Variants in MCF2L observed in about 807,000 individuals in gnomAD.
MCF2L encodes MCF.2 cell line derived transforming sequence like.
In MCF2L, 97 loss-of-function variants were observed where a neutral mutation model predicts 153.4. That is an observed-to-expected ratio of 0.63 (90% CI 0.54 to 0.75). The LOEUF (loss-of-function observed/expected upper bound fraction) is 0.75, where lower values mean the gene tolerates loss of function less well. Among genes scored for constraint, MCF2L ranks in the 30% least tolerant of loss-of-function variants. The pLI is 0.00. For missense variants in MCF2L, 1,347 were observed against 1,495.2 expected (o/e 0.90, Z 1.64); for synonymous variants, 659 against 632.2 (o/e 1.04, Z -0.64).
chr13:113,065,097 G>T lies in MCF2L; in HGVS notation c.756+12G>T. Reference sequence around the variant, plus strand: ...AGGACAAGGCGAAGGTACATGGGGGGTGCTCCGGCTGGAAGCTGTGGGGGG... The same window carrying T: ...AGGACAAGGCGAAGGTACATGGGGGTTGCTCCGGCTGGAAGCTGTGGGGGG... On this transcript the variant is annotated intron_variant, in intron 7 of 29. Transcript: ENST00000535094. 1 of 1,596,698 alleles carries T rather than the reference G, an allele frequency of 6.3e-7. No homozygotes were observed. Among genetic ancestry groups the T allele is most frequent in the Non-Finnish European group, 8.5e-7 (1 of 1,171,284 alleles).
At chr13:113,079,561 C>A (rs139497396) in intron 15 of MCF2L, among the ~76,000 whole-genome samples, 18 of 152,234 alleles carry the variant, frequency 1.2e-4, no homozygotes, top group Admixed American at 5.2e-4. Context: ...GATGTGTTGA[C>A]AAGCAGGTGT....
rs1291638854 is a variant in MCF2L, at chr13:113,018,985, T to G, written c.163+4139T>G. 2.6e-5 allele frequency among the ~76,000 whole-genome samples: 4 copies of G among 152,184 alleles called. No individual in the cohort carries two copies. In the East Asian group the frequency reaches 7.7e-4, roughly 29 times the overall value. On this transcript the variant is annotated intron_variant, in intron 2 of 29. Transcript: ENST00000535094. ...TCCCATGTCCAGGCAGCCTCAGGTG[T>G]GTGGAGACAGGGCAGACTTAGGAGT...
chr13:113,038,154 C>T (rs759941045), intron 3 of MCF2L, among the ~76,000 whole-genome samples: 26 of 151,986 alleles, frequency 1.7e-4, no homozygotes, highest in Non-Finnish European at 3.1e-4. Flanking sequence ...AAGCAGAAAA[C>T]TGCAAAATGT....
intron 2 of MCF2L, among the ~76,000 whole-genome samples, chr13:112,919,406 C>T (rs994258272): frequency 1.3e-5 from 2 of 151,764 alleles, no homozygotes; most frequent in East Asian, 1.9e-4. Flanking sequence ...GGGGTTTCAC[C>T]GTTTTAGCCG....
At chr13:113,088,866 CGGCAGTGCGCACAT>C (rs2034902535) in intron 25 of MCF2L, among the ~76,000 whole-genome samples, 2 of 152,212 alleles carry the variant, frequency 1.3e-5, no homozygotes, top group Non-Finnish European at 2.9e-5. Context: ...TTCCACAGCA[CGGCAGTGCGCACAT>C]GGCCTGTCCA....
intron 2 of MCF2L, among the ~76,000 whole-genome samples, chr13:112,936,279 C>CAAAAA (rs34826552): frequency 5.4e-5 from 4 of 74,278 alleles, no homozygotes; most frequent in Non-Finnish European, 1.0e-4. Context: ...GACTCTGTCT[C>CAAAAA]AAAAAAAAAA....
At chr13:113,003,984 G>A (rs1019494689) in intron 1 of MCF2L, among the ~76,000 whole-genome samples, 1 of 152,228 alleles carries the variant, frequency 6.6e-6, no homozygotes, top group South Asian at 2.1e-4. Context: ...AGAGGTCACC[G>A]TGGTACAGTC....
In MCF2L at chr13:112,951,701, G is replaced by A. The variant is rs893881934; in HGVS notation, c.169+49330G>A. On this transcript the variant is annotated intron_variant, in intron 2 of 29. Coordinates refer to the MCF2L transcript ENST00000375608. This position sits in a 1 kb window ranked among gnomAD's most constrained non-coding sequence, Gnocchi z 4.8. ...AGGAACATGGGTGTGTCCAGGAGGG[G>A]CCACAAGAGGGTCCTGTGGGTAGAG... 6.6e-6 allele frequency among the ~76,000 whole-genome samples: 1 copy of A among 152,308 alleles called. No homozygotes were observed. The highest frequency in any genetic ancestry group is 2.1e-4 in the South Asian group (1 of 4,820).
In MCF2L at chr13:113,077,269, G is replaced by A. The variant is rs570364014; in HGVS notation, c.1660+58G>A. ...TGGGACCCTCGGGGGAGCCCCGGGC[G>A]TTGAGAGCTTGGTACATCTGAGGCA... On this transcript the variant is annotated intron_variant, in intron 13 of 29. Transcript: ENST00000535094. 5.4e-5 allele frequency: 78 copies of A among 1,447,584 alleles called. 3 individuals are homozygous for A. The South Asian group carries it at 7.4e-4, about 14-fold the overall frequency. 89.7% of individuals were successfully genotyped at this position (1,447,584 alleles called of 1,614,324 possible).
At position 113,045,117 on chromosome 13, in the gene MCF2L, C is replaced by T. The variant is rs2086727283; in HGVS notation, c.279-154C>T. 8.7e-6 allele frequency: 8 copies of T among 921,986 alleles called. No homozygotes were observed. The highest frequency in any genetic ancestry group is 3.1e-5 in the South Asian group (2 of 64,656). 57.1% of individuals were successfully genotyped at this position (921,986 alleles called of 1,614,324 possible). A position where few individuals can be genotyped will look rare whatever the true frequency, so the allele number is the denominator to read the frequency against. Reference sequence around the variant, plus strand: ...TCTGGGACTGCGGGGATGGGGCTGCCGGGGCCCCCGTGTGCCATGCCTCTC... The same window carrying T: ...TCTGGGACTGCGGGGATGGGGCTGCTGGGGCCCCCGTGTGCCATGCCTCTC... On this transcript the variant is annotated intron_variant, in intron 3 of 29. Coordinates refer to ENST00000535094, the MANE Select transcript of MCF2L (RefSeq NM_001112732.3). The surrounding 1 kb of genome is among the most constrained non-coding windows in gnomAD (Gnocchi z 4.2).
chr13:112,980,608 G>C (rs982043333), intron 1 of MCF2L, among the ~76,000 whole-genome samples: 2 of 102,612 alleles, frequency 1.9e-5, no homozygotes, highest in Admixed American at 1.9e-4. Flanking sequence ...GCCACCATGC[G>C]CAGGAGAGCC....
intron 4 of MCF2L, among the ~76,000 whole-genome samples, chr13:113,058,211 CTG>C (rs1026448526): frequency 7.0e-6 from 1 of 142,064 alleles, no homozygotes; most frequent in African/African-American, 2.7e-5. Context: ...TTTTTGGGCG[CTG>C]TGTGTTTGGG....
chr13:112,902,075 A>G (rs2081124568), intron 1 of MCF2L: 1 of 713,578 alleles, frequency 1.4e-6, no homozygotes, highest in East Asian at 2.7e-5. Context: ...CAAACATACT[A>G]TCTTCACTGC....
At chr13:113,090,444 AC>A in intron 26 of MCF2L, 13 of 91,844 alleles carry the variant, frequency 1.4e-4, no homozygotes, top group Non-Finnish European at 1.9e-4. Flanking sequence ...CCTGCCCCCC[AC>A]CCCCGCCTTC....
intron 2 of MCF2L, among the ~76,000 whole-genome samples, chr13:112,947,071 T>G (rs2081645218): frequency 1.3e-5 from 2 of 152,184 alleles, no homozygotes; most frequent in Admixed American, 1.3e-4. Context: ...AACCAGAAAT[T>G]TATTTCCTCA....
chr13:112,941,160 G>A lies in MCF2L; in HGVS notation c.169+38789G>A, dbSNP rs1256123217. 1.3e-5 allele frequency among the ~76,000 whole-genome samples: 2 copies of A among 152,042 alleles called. No individual in the cohort carries two copies. Among genetic ancestry groups the A allele is most frequent in the East Asian group, 3.9e-4 (2 of 5,190 alleles). ...AAAAATGTAACCTACAAAAATTCAG[G>A]TCATCAGCCCGTAATGCCACCTTGT... On this transcript the variant is annotated intron_variant, in intron 2 of 29. Coordinates refer to the MCF2L transcript ENST00000375608. The surrounding 1 kb of genome is among the most constrained non-coding windows in gnomAD (Gnocchi z 4.9).
At chr13:112,988,041 C>T (rs1026533765) in intron 1 of MCF2L, among the ~76,000 whole-genome samples, 3 of 152,220 alleles carry the variant, frequency 2.0e-5, no homozygotes, top group African/African-American at 7.2e-5. Context: ...AAGAGAGTCA[C>T]AGGGTCAGGC....
intron 2 of MCF2L, chr13:112,917,253 C>T: frequency 2.2e-6 from 1 of 457,648 alleles, no homozygotes; most frequent in South Asian, 1.6e-5. Context: ...CTACAGGTCT[C>T]CCAGAGCCGC....
chr13:112,978,767 G>A (rs1446799898), intron 1 of MCF2L, among the ~76,000 whole-genome samples: 2 of 152,262 alleles, frequency 1.3e-5, no homozygotes, highest in Non-Finnish European at 2.9e-5. Context: ...GCTTTCACAA[G>A]CAGGCCTGAG....
Sources: gnomAD v4.1 joint callset for allele counts (sites outside exome capture counted in the v4.1 genomes callset) on GRCh38, gnomAD v4.1.1 for gene constraint, Gnocchi (gnomAD v3.1) non-coding constraint, MANE v1.5 for transcripts, NCBI Gene and HGNC (gene_info 2026-07-23, HGNC 2026-07-21) for gene names.